The following KPNA4 variants were observed in gnomAD, a reference collection of about 807,000 sequenced individuals.
KPNA4 encodes the protein karyopherin subunit alpha 4.
Under a neutral mutation model 71.3 loss-of-function variants are expected in KPNA4, and 13 were observed. The ratio of observed to expected loss-of-function variants is 0.18; its 90% confidence interval spans 0.12 to 0.29. The LOEUF is 0.29. Ranked by LOEUF, KPNA4 falls within the 10% of genes least tolerant of loss-of-function variation. KPNA4 has a pLI of 1.00. For missense variants in KPNA4, 334 were observed against 603.2 expected (o/e 0.55, Z 4.67); for synonymous variants, 189 against 195.2 (o/e 0.97, Z 0.26).
intron 14 of KPNA4, among the ~76,000 whole-genome samples, chr3:160,508,615 AT>A (rs1302102923): frequency 6.6e-6 from 1 of 152,026 alleles, no homozygotes; most frequent in African/African-American, 2.4e-5. Flanking sequence ...GCTGTATGCT[AT>A]TTTTAATTTA....
At chr3:160,530,714 A>G (rs1480204933) in intron 7 of KPNA4, 141 bp downstream of exon 7, 6 of 588,280 alleles carry the variant, frequency 1.0e-5, no homozygotes, top group African/African-American at 1.9e-5. Context: ...AAAGTAACAT[A>G]CTTAAGTTGA....
intron 1 of KPNA4, among the ~76,000 whole-genome samples, chr3:160,564,949 C>G (rs1370886071): frequency 6.8e-6 from 1 of 146,442 alleles, no homozygotes; most frequent in Non-Finnish European, 1.5e-5. Flanking sequence ...GGCCCGGCCC[C>G]TCGCACCCGC....
At chr3:160,561,888 T>C (rs2108563314) in intron 1 of KPNA4, among the ~76,000 whole-genome samples, 1 of 152,176 alleles carries the variant, frequency 6.6e-6, no homozygotes, top group African/African-American at 2.4e-5. Flanking sequence ...GCTCAGAGAA[T>C]TGCCAGGCAT....
chr3:160,549,868 ATTAAG>A (rs994649728), intron 1 of KPNA4, among the ~76,000 whole-genome samples: 4 of 152,226 alleles, frequency 2.6e-5, no homozygotes, highest in Non-Finnish European at 4.4e-5. Flanking sequence ...TTTTAACAAT[ATTAAG>A]TTTTCCATGA....
intron 16 of KPNA4, among the ~76,000 whole-genome samples, chr3:160,503,788 A>G (rs1371206426): frequency 6.6e-6 from 1 of 152,208 alleles, no homozygotes; most frequent in Non-Finnish European, 1.5e-5. Flanking sequence ...GTTACTCTTA[A>G]AAGAATATGC....
At chr3:160,545,804 A>G (rs1721892090) in intron 1 of KPNA4, among the ~76,000 whole-genome samples, 1 of 152,192 alleles carries the variant, frequency 6.6e-6, no homozygotes, top group African/African-American at 2.4e-5. Flanking sequence ...CATAAAACAT[A>G]ATGAGTCTGA....
rs1721574784 is a variant in KPNA4, at chr3:160,531,564, G to A, written c.288-7C>T. ...ATCACTGGACAAAAGCTTCCTGTAA[G>A]AGATAAAAACACTCCTGTGAAACTT... On this transcript the variant is annotated splice_polypyrimidine_tract_variant and splice_region_variant and intron_variant, in intron 5 of 16. Coordinates refer to ENST00000334256, the MANE Select transcript of KPNA4 (RefSeq NM_002268.5). 1.3e-6 allele frequency: 2 copies of A among 1,509,562 alleles called. No homozygotes were observed. The highest frequency in any genetic ancestry group is 1.8e-6 in the Non-Finnish European group (2 of 1,109,374). 93.5% of individuals were successfully genotyped at this position (1,509,562 alleles called of 1,614,324 possible).
chr3:160,519,603 G>A (rs538191598), intron 11 of KPNA4, among the ~76,000 whole-genome samples: 89 of 151,278 alleles, frequency 5.9e-4, no homozygotes, highest in African/African-American at 2.1e-3. Context: ...GACCATCCTG[G>A]CTAACAAGGT....
chr3:160,504,808 T>TTG (rs1173449354), intron 16 of KPNA4, 150 bp downstream of exon 16: 1 of 351,102 alleles, frequency 2.8e-6, no homozygotes, highest in Non-Finnish European at 5.0e-6. Context: ...AAATATTTGT[T>TTG]TTCAAAGCAG....
intron 15 of KPNA4, among the ~76,000 whole-genome samples, chr3:160,506,408 G>T (rs1221404358): frequency 2.6e-5 from 4 of 152,174 alleles, no homozygotes; most frequent in Non-Finnish European, 5.9e-5. Flanking sequence ...GGCCTCAGGT[G>T]ATCTGCCCGC....
intron 5 of KPNA4, among the ~76,000 whole-genome samples, chr3:160,534,960 G>C (rs1031358382): frequency 6.6e-6 from 1 of 151,802 alleles, no homozygotes. Flanking sequence ...CTGACCTCAC[G>C]ATCCGCCCAC....
chr3:160,512,611 C>T (rs1451219198), intron 13 of KPNA4, among the ~76,000 whole-genome samples: 1 of 152,166 alleles, frequency 6.6e-6, no homozygotes, highest in Non-Finnish European at 1.5e-5. Flanking sequence ...CACACCTGAT[C>T]ACTTGAGGTG....
rs1388754479 is a variant in KPNA4, at chr3:160,514,157, T to C, written c.1057A>G (p.Ile353Val). The change falls in exon 13 of 17, where the codon ATC (isoleucine) becomes GTC (valine). Residue 353 changes from isoleucine to valine, a missense_variant. Coordinates refer to ENST00000334256, the MANE Select transcript of KPNA4 (RefSeq NM_002268.5). The part of the protein sequence containing the change: ...NKEAVWFLSN[I>V]TAGNQQQVQA... ...ACCTGCTGCTGATTTCCTGCAGTGA[T>C]GTTGGAGAGGAACCACACTGCTTCC... 3 of 1,599,810 alleles carry C rather than the reference T, an allele frequency of 1.9e-6. No homozygotes were observed. The highest frequency in any genetic ancestry group is 1.1e-5 in the South Asian group (1 of 88,196).
At chr3:160,515,904 T>G (rs1261860510) in intron 11 of KPNA4, among the ~76,000 whole-genome samples, 2 of 152,102 alleles carry the variant, frequency 1.3e-5, no homozygotes, top group Admixed American at 1.3e-4. Flanking sequence ...CATGAGCCAT[T>G]GTGCCCAGCT....
chr3:160,535,824 T>C lies in KPNA4; in HGVS notation c.188A>G (p.Asp63Gly). The change falls in exon 3 of 17, where the codon GAT becomes GGT. Residue 63 changes from aspartate to glycine, a missense_variant. Transcript: ENST00000334256. The stretch of plus-strand genomic sequence containing the variant: ...ATGACTTACCACTCTATAATCACCA[T>C]CTATATCAGAGTCTTCACAGATATC... ...HEDICEDSDI[D>G]GDYRVQNTSL... The C allele has an allele frequency of 6.7e-7, 1 of 1,502,542 alleles. No homozygotes were observed. Among genetic ancestry groups the C allele is most frequent in the Non-Finnish European group, 8.8e-7 (1 of 1,133,834 alleles). 93.1% of individuals were successfully genotyped at this position (1,502,542 alleles called of 1,614,324 possible).
intron 1 of KPNA4, among the ~76,000 whole-genome samples, chr3:160,559,270 G>A (rs758706446): frequency 6.6e-5 from 10 of 151,960 alleles, no homozygotes; most frequent in Non-Finnish European, 1.3e-4. Flanking sequence ...TGTCCCAGAG[G>A]CATGGTAAAA....
Position 160,535,674 on chromosome 3 carries a change from T to C in KPNA4, c.221A>G (p.Glu74Gly). Residue 74 changes from glutamate (E) to glycine (G), a missense_variant, in exon 4 of 17, where the codon GAA becomes GGA. Coordinates refer to ENST00000334256, the MANE Select transcript of KPNA4 (RefSeq NM_002268.5). ...GDYRVQNTSL[E>G]AIVQNASSDN... ...AATCCAACTTACTTGAACAATAGCT[T>C]CTAGAGAGGTATTTTGCTGGGAAAA... 1 of 1,578,270 alleles carries C rather than the reference T, an allele frequency of 6.3e-7. No homozygotes were observed. The highest frequency in any genetic ancestry group is 2.3e-5 in the East Asian group (1 of 43,720).
intron 1 of KPNA4, among the ~76,000 whole-genome samples, chr3:160,562,542 A>T (rs1722268343): frequency 6.6e-6 from 1 of 152,194 alleles, no homozygotes; most frequent in Non-Finnish European, 1.5e-5. Flanking sequence ...AGAGAGATAG[A>T]CCAGATATGT....
chr3:160,547,462 T>C (rs1238182717), intron 1 of KPNA4, among the ~76,000 whole-genome samples: 1 of 152,156 alleles, frequency 6.6e-6, no homozygotes, highest in East Asian at 1.9e-4. Context: ...CAGTAAAAAG[T>C]ACAGACAGTT....
Sources: allele counts gnomAD v4.1 joint callset (sites outside exome capture counted in the v4.1 genomes callset), GRCh38; gene constraint gnomAD v4.1.1; transcripts MANE v1.5; gene names NCBI Gene and HGNC (gene_info 2026-07-23, HGNC 2026-07-21).